Variants in RBFOX1 observed in about 807,000 individuals in gnomAD.
RBFOX1 encodes RNA binding fox-1 homolog 1, also known as RNA binding protein fox-1 homolog 1.
Under a neutral mutation model 57.7 loss-of-function variants are expected in RBFOX1, and 8 were observed. That is an observed-to-expected ratio of 0.14 (90% CI 0.08 to 0.25). The LOEUF (loss-of-function observed/expected upper bound fraction) is 0.25. Ranked by LOEUF, RBFOX1 falls within the 10% of genes least tolerant of loss-of-function variation. The pLI, the probability that RBFOX1 is intolerant of heterozygous loss-of-function variation, is 1.00. For synonymous variants in RBFOX1, 326 were observed against 222.4 expected, an observed-to-expected ratio of 1.47 and a Z score of -4.15; for missense variants, 611 against 548.5, an observed-to-expected ratio of 1.11 and a Z score of -1.14.
chr16:6,784,219 C>G (rs574718093), intron 3 of RBFOX1, among the ~76,000 whole-genome samples: 10 of 151,994 alleles, frequency 6.6e-5, no homozygotes, highest in African/African-American at 1.4e-4. Context: ...CAATCTCTTT[C>G]TCTACTTCTT....
intron 4 of RBFOX1, among the ~76,000 whole-genome samples, chr16:7,189,351 G>A (rs1019868206): frequency 1.3e-5 from 2 of 150,574 alleles, no homozygotes; most frequent in East Asian, 2.0e-4. Context: ...GTGTGAACCC[G>A]GGAGGTGGAG....
At chr16:5,945,097 C>G (rs2059374034) in intron 4 of RBFOX1, among the ~76,000 whole-genome samples, 1 of 151,406 alleles carries the variant, frequency 6.6e-6, no homozygotes, top group Admixed American at 6.6e-5. Context: ...GTGAAATGGA[C>G]TGCCGGGCAC....
intron 4 of RBFOX1, among the ~76,000 whole-genome samples, chr16:7,163,555 C>G (rs564171585): frequency 6.6e-6 from 1 of 152,228 alleles, no homozygotes; most frequent in African/African-American, 2.4e-5. Flanking sequence ...CTTCTTCCAC[C>G]TAGAATCTCA....
intron 4 of RBFOX1, among the ~76,000 whole-genome samples, chr16:7,308,529 C>G (rs2142407702): frequency 6.6e-6 from 1 of 152,238 alleles, no homozygotes. Context: ...GTGGGCCATG[C>G]CACTGTCAAT....
At chr16:6,169,178 C>T (rs2096940104) in intron 1 of RBFOX1, among the ~76,000 whole-genome samples, 1 of 152,138 alleles carries the variant, frequency 6.6e-6, no homozygotes, top group South Asian at 2.1e-4. Context: ...AAAACATGAT[C>T]ACTGACCTTT....
intron 3 of RBFOX1, among the ~76,000 whole-genome samples, chr16:5,815,986 G>C (rs1460730290): frequency 1.3e-5 from 2 of 152,086 alleles, no homozygotes; most frequent in Non-Finnish European, 1.5e-5. Context: ...ACAGCCCCCA[G>C]GTATACAACC....
chr16:6,412,148 AAAAAC>A (rs1418670997), intron 2 of RBFOX1, among the ~76,000 whole-genome samples: 18 of 150,762 alleles, frequency 1.2e-4, no homozygotes, highest in South Asian at 2.1e-4. Context: ...AAAAAAACAA[AAAAAC>A]AAAAAAACAA....
intron 3 of RBFOX1, among the ~76,000 whole-genome samples, chr16:6,929,294 C>G (rs975450065): frequency 6.6e-6 from 1 of 152,068 alleles, no homozygotes; most frequent in African/African-American, 2.4e-5. Flanking sequence ...ACTGGGGAAG[C>G]TCTGGTAAAT....
At chr16:6,284,056 T>A (rs1247502099) in intron 1 of RBFOX1, among the ~76,000 whole-genome samples, 2 of 152,160 alleles carry the variant, frequency 1.3e-5, no homozygotes, top group African/African-American at 4.8e-5. Context: ...GTAGCTTGTT[T>A]TTAACATTAT....
intron 3 of RBFOX1, among the ~76,000 whole-genome samples, chr16:6,777,459 G>A (rs943730745): frequency 1.1e-4 from 17 of 152,124 alleles, no homozygotes; most frequent in Admixed American, 5.9e-4. Context: ...GTTTTCAGCT[G>A]CATGTAAACT....
chr16:7,701,897 G>A (rs1381104304), intron 14 of RBFOX1, among the ~76,000 whole-genome samples: 2 of 152,148 alleles, frequency 1.3e-5, no homozygotes, highest in South Asian at 4.1e-4. Context: ...TTATGTTAAT[G>A]CTTTCAGGAG....
intron 2 of RBFOX1, among the ~76,000 whole-genome samples, chr16:6,480,447 A>G (rs988619189): frequency 6.6e-6 from 1 of 152,232 alleles, no homozygotes; most frequent in South Asian, 2.1e-4. Context: ...AACCTCATTC[A>G]TGGATGCTGA....
chr16:5,613,799 A>G (rs1002815178), intron 3 of RBFOX1, among the ~76,000 whole-genome samples: 23 of 150,904 alleles, frequency 1.5e-4, no homozygotes, highest in Non-Finnish European at 3.2e-4. Context: ...ATCAAGGTAG[A>G]TGGGGTTTTT....
At chr16:5,509,705 G>C (rs2043512036) in intron 2 of RBFOX1, among the ~76,000 whole-genome samples, 1 of 152,216 alleles carries the variant, frequency 6.6e-6, no homozygotes. Flanking sequence ...AGCTGATGGA[G>C]GAGGGAGAGC....
chr16:7,518,537 A>T, intron 5 of RBFOX1, 148 bp downstream of exon 5: 1 of 999,362 alleles, frequency 1.0e-6, no homozygotes, highest in South Asian at 2.5e-5. Flanking sequence ...AGCTTCCTGA[A>T]GTTTACCTCA....
At chr16:7,547,658 G>A (rs1410142316) in intron 5 of RBFOX1, among the ~76,000 whole-genome samples, 1 of 152,160 alleles carries the variant, frequency 6.6e-6, no homozygotes, top group African/African-American at 2.4e-5. Flanking sequence ...AAAGGCATGT[G>A]CATTTGCAAA....
chr16:5,899,845 A>G (rs1167328827), intron 4 of RBFOX1, among the ~76,000 whole-genome samples: 1 of 152,168 alleles, frequency 6.6e-6, no homozygotes, highest in African/African-American at 2.4e-5. Flanking sequence ...AGACTGAGGC[A>G]GGTGGATCAC....
chr16:6,619,773 T>G (rs12922248), intron 2 of RBFOX1, among the ~76,000 whole-genome samples: 1 of 150,682 alleles, frequency 6.6e-6, no homozygotes, highest in Non-Finnish European at 1.5e-5. Flanking sequence ...ACCTGTGTCA[T>G]GGGGACTTGT....
At position 6,303,695 on chromosome 16, in the gene RBFOX1, G is replaced by A. The variant is rs752063879; in HGVS notation, c.-126-13300G>A. 2.3e-4 allele frequency among the ~76,000 whole-genome samples: 35 copies of A among 152,116 alleles called. No homozygotes were observed. In the Middle Eastern group the frequency reaches 0.01, roughly 44 times the overall value. ...ATTCAAAGGAAAAGATGATTAATGG[G>A]CTGGGCACAGTGGCTCATGCCTGTA... On this transcript the variant is annotated intron_variant, in intron 1 of 15. Transcript: ENST00000550418.
Sources: gnomAD v4.1 joint callset for allele counts (sites outside exome capture counted in the v4.1 genomes callset) on GRCh38, gnomAD v4.1.1 for gene constraint, MANE v1.5 for transcripts, NCBI Gene and HGNC (gene_info 2026-07-23, HGNC 2026-07-21) for gene names.